The following OR9G1 variants were observed in gnomAD, a reference collection of about 807,000 sequenced individuals.
The protein encoded by OR9G1 is olfactory receptor 9G1.
In OR9G1, 21 loss-of-function variants were observed where a neutral mutation model predicts 14.5. The observed-to-expected ratio is 1.45, with a 90% confidence interval of 1.03 to 2.09. The LOEUF is 2.09. OR9G1 is among the 30% of genes most tolerant of loss of function. OR9G1 has a pLI of 0.00. For synonymous variants in OR9G1, 179 were observed against 153.3 expected, an observed-to-expected ratio of 1.17 and a Z score of -1.24; for missense variants, 476 against 364.2, an observed-to-expected ratio of 1.31 and a Z score of -2.50.
intron 1 of OR9G1, among the ~76,000 whole-genome samples, 165 bp downstream of exon 1, chr11:56,699,355 G>A (rs946388448): frequency 2.0e-5 from 3 of 152,308 alleles, no homozygotes; most frequent in Admixed American, 6.5e-5. Context: ...AGCTCAAGTG[G>A]AACAATCTTA....
Position 56,701,397 on chromosome 11 carries a change from A to ACAC in OR9G1, c.*92_*93insCAC. On this transcript the variant is annotated 3_prime_UTR_variant, in exon 2 of 2. Coordinates refer to ENST00000642097, the MANE Select transcript of OR9G1 (RefSeq NM_001005213.2). ...AGAGTTACCATTGTGCTTTATCGTG[A>ACAC]TCAGTCCCCTTCTTGACACGTGAGA... is the stretch of plus-strand genomic sequence containing the variant. The ACAC allele has an allele frequency of 6.7e-7, 1 of 1,484,388 alleles. No individual in the cohort carries two copies. Among genetic ancestry groups the ACAC allele is most frequent in the Admixed American group, 2.4e-5 (1 of 42,196 alleles). 92.0% of individuals were successfully genotyped at this position (1,484,388 alleles called of 1,614,324 possible). A position where few individuals can be genotyped will look rare whatever the true frequency, so the allele number is the denominator to read the frequency against.
At position 56,700,366 on chromosome 11, in the gene OR9G1, A is replaced by T; in HGVS notation, c.-18-4A>T. On this transcript the variant is annotated splice_polypyrimidine_tract_variant and splice_region_variant and intron_variant, in intron 1 of 1. Coordinates refer to ENST00000642097, the MANE Select transcript of OR9G1 (RefSeq NM_001005213.2). The stretch of plus-strand genomic sequence containing the variant: ...CAAACTGAGCTCATTTTCTTTCCCC[A>T]TAGGTGAGATTCCTTACAGCCATGC... 6.2e-7 allele frequency: 1 copy of T among 1,613,176 alleles called. No individual in the cohort carries two copies. Among genetic ancestry groups the T allele is most frequent in the Non-Finnish European group, 8.5e-7 (1 of 1,179,422 alleles).
Position 56,701,078 on chromosome 11 carries a change from A to T in OR9G1, c.691A>T (p.Lys231Ter). 6.2e-7 allele frequency: 1 copy of T among 1,610,186 alleles called. No homozygotes were observed. The highest frequency in any genetic ancestry group is 8.5e-7 in the Non-Finnish European group (1 of 1,177,782). ...ITSVLRISSS[K>*]GYLKAFSTCS... is the part of the protein sequence containing the mutation. ...CAGTGTCTTGAGGATCTCCTCCTCC[A>T]AGGGCTACCTCAAAGCCTTCTCCAC... The change falls in exon 2 of 2, where the codon AAG (lysine) becomes TAG (stop). Residue 231 changes from lysine (K) to a stop codon, truncating the protein, a stop_gained. Transcript: ENST00000642097. LOFTEE classifies it high-confidence loss of function.
At chr11:56,699,818 T>C (rs1857577596) in intron 1 of OR9G1, among the ~76,000 whole-genome samples, 1 of 152,312 alleles carries the variant, frequency 6.6e-6, no homozygotes, top group Non-Finnish European at 1.5e-5. Context: ...CATCATTGTA[T>C]ATCATTCTTC....
intron 1 of OR9G1, among the ~76,000 whole-genome samples, chr11:56,699,532 A>G (rs962746956): frequency 6.6e-6 from 1 of 152,430 alleles, no homozygotes; most frequent in South Asian, 2.1e-4. Context: ...TACCTACAAA[A>G]TGACTTAGGT....
At position 56,700,367 on chromosome 11, in the gene OR9G1, T is replaced by C. The variant is rs1397740381; in HGVS notation, c.-18-3T>C. ...AAACTGAGCTCATTTTCTTTCCCCA[T>C]AGGTGAGATTCCTTACAGCCATGCA... On this transcript the variant is annotated splice_polypyrimidine_tract_variant and splice_region_variant and intron_variant, in intron 1 of 1. Transcript: ENST00000642097. 4.7e-5 allele frequency: 76 copies of C among 1,613,110 alleles called. No individual in the cohort carries two copies. Among genetic ancestry groups the C allele is most frequent in the Middle Eastern group, 3.3e-4 (2 of 6,074 alleles).
chr11:56,699,357 A>G (rs1857566350), intron 1 of OR9G1, among the ~76,000 whole-genome samples, 167 bp downstream of exon 1: 1 of 152,310 alleles, frequency 6.6e-6, no homozygotes, highest in African/African-American at 2.4e-5. Flanking sequence ...CTCAAGTGGA[A>G]CAATCTTATA....
rs546355063 is a variant in OR9G1 at position 56,701,759 on chromosome 11, C to T, written c.*454C>T. ...AACATTGTTCTACATGCTTTCCCCC[C>T]ACAAGAAGAATTAGCACAAAGATCC... On this transcript the variant is annotated 3_prime_UTR_variant, in exon 2 of 2. Coordinates refer to ENST00000642097, the MANE Select transcript of OR9G1 (RefSeq NM_001005213.2). 2.0e-5 allele frequency: 1 copy of T among 49,332 alleles called. No homozygotes were observed. Among genetic ancestry groups the T allele is most frequent in the Non-Finnish European group, 4.5e-5 (1 of 22,058 alleles). The allele number at this position is 49,332 out of a possible 1,614,324, so 3.1% of individuals were successfully genotyped here.
chr11:56,700,349 G>C (rs746068529), intron 1 of OR9G1, 21 bp from the exon 2 acceptor site: 3 of 1,609,256 alleles, frequency 1.9e-6, no homozygotes, highest in African/African-American at 1.3e-5. Flanking sequence ...TGCAAACTGA[G>C]CTCATTTTCT....
chr11:56,701,308 C>G lies in OR9G1; in HGVS notation c.*3C>G, dbSNP rs1376499796. ...CTCTGAAAAAACTTCTCCCATAAAT[C>G]AAGATTATCTCCACCAGAGGAGAAA... On this transcript the variant is annotated 3_prime_UTR_variant, in exon 2 of 2. Coordinates refer to ENST00000642097, the MANE Select transcript of OR9G1 (RefSeq NM_001005213.2). 1 of 1,596,828 alleles carries G rather than the reference C, an allele frequency of 6.3e-7. No homozygotes were observed. The highest frequency in any genetic ancestry group is 8.5e-7 in the Non-Finnish European group (1 of 1,174,518).
Position 56,701,277 on chromosome 11 carries a change from A to C in OR9G1, c.890A>C (p.Lys297Thr). The C allele has an allele frequency of 6.2e-7, 1 of 1,609,220 alleles. No individual in the cohort carries two copies. The highest frequency in any genetic ancestry group is 8.5e-7 in the Non-Finnish European group (1 of 1,178,718). Residue 297 changes from lysine to threonine, a missense_variant, in exon 2 of 2, where the codon AAA becomes ACA. Physicochemically the swap from Lys to Thr is moderately conservative, Grantham distance 78. This residue lies in a region of OR9G1 where 352 missense variants were observed against 211.6 expected (regional missense o/e 1.66). Coordinates refer to ENST00000642097, the MANE Select transcript of OR9G1 (RefSeq NM_001005213.2). ...TACAGCCTAAGGAATAAGGATGTGA[A>C]AGAGGCTCTGAAAAAACTTCTCCCA... ...MIYSLRNKDVKEALKKLLP is the reference protein window; with the variant it reads ...MIYSLRNKDVTEALKKLLP
Position 56,703,816 on chromosome 11 carries a change from C to T in OR9G1, c.*2511C>T, listed in dbSNP as rs76313397. On this transcript the variant is annotated 3_prime_UTR_variant, in exon 2 of 2. Coordinates refer to ENST00000642097, the MANE Select transcript of OR9G1 (RefSeq NM_001005213.2). ...ATATCCATATATTGTAAACATAGCT[C>T]GCTAAGTGCATATTCATATTATTTT... 1 of 152,094 alleles carries T rather than the reference C, an allele frequency of 6.6e-6. No homozygotes were observed. The highest frequency in any genetic ancestry group is 2.4e-5 in the African/African-American group (1 of 41,462). 9.4% of individuals were successfully genotyped at this position (152,094 alleles called of 1,614,324 possible).
chr11:56,701,365 T>A lies in OR9G1; in HGVS notation c.*60T>A. The stretch of plus-strand genomic sequence containing the variant: ...CGACCTTAGATGGAGTGTTGTGTAT[T>A]TCAAACAGAGTTACCATTGTGCTTT... On this transcript the variant is annotated 3_prime_UTR_variant, in exon 2 of 2. Transcript: ENST00000642097. 1 of 1,529,194 alleles carries A rather than the reference T, an allele frequency of 6.5e-7. No homozygotes were observed. The highest frequency in any genetic ancestry group is 1.3e-5 in the South Asian group (1 of 76,606). 94.7% of individuals were successfully genotyped at this position (1,529,194 alleles called of 1,614,324 possible).
rs1857615226 is a variant in OR9G1 at position 56,700,951 on chromosome 11, T to C, written c.564T>C (p.Cys188=). Residue 188 remains cysteine, a synonymous_variant, in exon 2 of 2, where the codon TGT becomes TGC. Coordinates refer to ENST00000642097, the MANE Select transcript of OR9G1 (RefSeq NM_001005213.2). ...TGCTTCCCTTGGTGGAGCTGGCCTG[T>C]GGCGAGAAGGGCGGCTATAAAATTA... ...CDLLPLVELA[C]GEKGGYKIMM... The C allele has an allele frequency of 6.2e-7, 1 of 1,614,254 alleles. No individual in the cohort carries two copies. Among genetic ancestry groups the C allele is most frequent in the Non-Finnish European group, 8.5e-7 (1 of 1,180,002 alleles).
Position 56,701,607 on chromosome 11 carries a change from C to G in OR9G1, c.*302C>G. Reference sequence around the variant, plus strand: ...CCTCATTAGCCTAAGATTTGGCTAACTGATACATATAGAAGAGTATCTATA... The same window carrying G: ...CCTCATTAGCCTAAGATTTGGCTAAGTGATACATATAGAAGAGTATCTATA... On this transcript the variant is annotated 3_prime_UTR_variant, in exon 2 of 2. Coordinates refer to ENST00000642097, the MANE Select transcript of OR9G1 (RefSeq NM_001005213.2). The G allele has an allele frequency of 2.5e-6, 1 of 399,478 alleles. No homozygotes were observed. The allele number at this position is 399,478 out of a possible 1,614,324, so 24.7% of individuals were successfully genotyped here. A position where few individuals can be genotyped will look rare whatever the true frequency, so the allele number is the denominator to read the frequency against.
chr11:56,700,285 A>AG, intron 1 of OR9G1, 85 bp from the exon 2 acceptor site: 1 of 1,357,672 alleles, frequency 7.4e-7, no homozygotes. Flanking sequence ...AGACTTCACG[A>AG]AACACTGCAA....
Position 56,700,382 on chromosome 11 carries a change from A to T in OR9G1, c.-6A>T. On this transcript the variant is annotated 5_prime_UTR_variant, in exon 2 of 2. Transcript: ENST00000642097. ...TCTTTCCCCATAGGTGAGATTCCTT[A>T]CAGCCATGCAGAGGAGCAATCATAC... The T allele has an allele frequency of 1.2e-6, 2 of 1,614,094 alleles. No homozygotes were observed. The highest frequency in any genetic ancestry group is 1.7e-6 in the Non-Finnish European group (2 of 1,179,956).
chr11:56,700,033 C>T (rs1290165199), intron 1 of OR9G1, among the ~76,000 whole-genome samples: 93 of 152,358 alleles, frequency 6.1e-4, no homozygotes, highest in African/African-American at 1.9e-3. Flanking sequence ...TAAAGACAAA[C>T]AAGTGATACT....
rs1458407527 is a variant in OR9G1, at chr11:56,701,480, T to C, written c.*175T>C. On this transcript the variant is annotated 3_prime_UTR_variant, in exon 2 of 2. Transcript: ENST00000642097. Reference sequence around the variant, plus strand: ...AATTTCGGACAAAAACATCTGAATATATAAGAATTTGAATTGAATTTCCTA... The same window carrying C: ...AATTTCGGACAAAAACATCTGAATACATAAGAATTTGAATTGAATTTCCTA... 1.1e-6 allele frequency: 1 copy of C among 926,134 alleles called. No individual in the cohort carries two copies. The highest frequency in any genetic ancestry group is 1.5e-6 in the Non-Finnish European group (1 of 655,098). 57.4% of individuals were successfully genotyped at this position (926,134 alleles called of 1,614,324 possible).
Sources: gnomAD v4.1 joint callset for allele counts (sites outside exome capture counted in the v4.1 genomes callset) on GRCh38, gnomAD v4.1.1 for gene constraint, gnomAD v4.1.1 regional missense constraint, MANE v1.5 for transcripts, NCBI Gene and HGNC (gene_info 2026-07-23, HGNC 2026-07-21) for gene names.